PTPRD: variants seen among roughly 807,000 people sequenced by gnomAD.
The protein encoded by PTPRD is receptor-type tyrosine-protein phosphatase delta.
In PTPRD, 34 loss-of-function variants were observed where a neutral mutation model predicts 214.5. That is an observed-to-expected ratio of 0.16 (90% confidence interval 0.12 to 0.21). The LOEUF is 0.21. Among genes scored for constraint, PTPRD ranks in the 10% least tolerant of loss-of-function variants. The pLI, the probability that PTPRD is intolerant of heterozygous loss-of-function variation, is 1.00. For synonymous variants in PTPRD, 1,128 were observed against 845.7 expected, an observed-to-expected ratio of 1.33 and a Z score of -5.79; for missense variants, 2,545 against 2,398.7, an observed-to-expected ratio of 1.06 and a Z score of -1.27.
intron 9 of PTPRD, among the ~76,000 whole-genome samples, chr9:9,374,546 A>G (rs1367488469): frequency 6.6e-6 from 1 of 152,212 alleles, no homozygotes; most frequent in African/African-American, 2.4e-5. Flanking sequence ...GTAATAAAGT[A>G]AGGTAAAGTA....
intron 5 of PTPRD, among the ~76,000 whole-genome samples, chr9:9,909,424 A>G (rs1287799469): frequency 6.6e-6 from 1 of 150,450 alleles, no homozygotes; most frequent in Non-Finnish European, 1.5e-5. Context: ...AAATATTTAC[A>G]TATCTGTATA....
At chr9:8,762,126 G>A (rs2094451025) in intron 11 of PTPRD, among the ~76,000 whole-genome samples, 2 of 152,176 alleles carry the variant, frequency 1.3e-5, no homozygotes, top group South Asian at 2.1e-4. Context: ...ATATACAAAG[G>A]TTCTGTCTTT....
intron 9 of PTPRD, among the ~76,000 whole-genome samples, chr9:9,191,691 T>G (rs1386364595): frequency 1.3e-5 from 2 of 152,098 alleles, no homozygotes; most frequent in African/African-American, 2.4e-5. Flanking sequence ...ACCATTGAAA[T>G]ATGGTGCACT....
intron 3 of PTPRD, among the ~76,000 whole-genome samples, chr9:10,173,189 T>A (rs1159684838): frequency 6.6e-6 from 1 of 152,168 alleles, no homozygotes; most frequent in Non-Finnish European, 1.5e-5. Flanking sequence ...GGGGATTTAT[T>A]TTGAAGTGTT....
intron 9 of PTPRD, among the ~76,000 whole-genome samples, chr9:9,306,446 C>T (rs370510347): frequency 6.6e-6 from 1 of 150,984 alleles, no homozygotes; most frequent in Admixed American, 6.6e-5. Flanking sequence ...CACCTGTAGT[C>T]CCAGCTACTT....
intron 33 of PTPRD, among the ~76,000 whole-genome samples, chr9:8,459,979 G>A (rs1464871918): frequency 2.0e-5 from 3 of 151,954 alleles, no homozygotes; most frequent in Non-Finnish European, 2.9e-5. Context: ...CTCAACACTT[G>A]CGCAAATTAG....
chr9:9,094,024 C>T (rs1043825679), intron 10 of PTPRD, among the ~76,000 whole-genome samples: 7 of 151,910 alleles, frequency 4.6e-5, no homozygotes, highest in African/African-American at 1.7e-4. Flanking sequence ...GAATATTAAG[C>T]TCAACTTTAT....
chr9:9,675,144 A>T (rs1166435075), intron 7 of PTPRD, among the ~76,000 whole-genome samples: 1 of 151,958 alleles, frequency 6.6e-6, no homozygotes, highest in Non-Finnish European at 1.5e-5. Context: ...AAAGTCAATT[A>T]TGAAAGAGAA....
chr9:8,556,737 T>C (rs2141034367), intron 14 of PTPRD, among the ~76,000 whole-genome samples: 1 of 152,238 alleles, frequency 6.6e-6, no homozygotes, highest in East Asian at 1.9e-4. Context: ...AAATTTATCA[T>C]TTTGACAGGT....
At chr9:10,361,080 C>T (rs947966120) in intron 2 of PTPRD, among the ~76,000 whole-genome samples, 10 of 152,020 alleles carry the variant, frequency 6.6e-5, no homozygotes, top group Non-Finnish European at 1.3e-4. Flanking sequence ...CCAGCCTGGG[C>T]GACAGCGAGA....
chr9:10,119,318 C>G (rs1452326311), intron 3 of PTPRD, among the ~76,000 whole-genome samples: 1 of 151,920 alleles, frequency 6.6e-6, no homozygotes, highest in Non-Finnish European at 1.5e-5. Flanking sequence ...AAGACAGATT[C>G]TAAAGTTATT....
chr9:9,402,977 A>C (rs1199443390), intron 8 of PTPRD, among the ~76,000 whole-genome samples: 2 of 145,376 alleles, frequency 1.4e-5, no homozygotes, highest in Admixed American at 6.8e-5. Context: ...AAAAAAAAAA[A>C]AAAAAAAAAA....
At chr9:8,367,622 T>C (rs963696013) in intron 39 of PTPRD, among the ~76,000 whole-genome samples, 2 of 152,212 alleles carry the variant, frequency 1.3e-5, no homozygotes, top group Admixed American at 1.3e-4. Flanking sequence ...CCGTGTTAAA[T>C]ATTCCAGTTG....
intron 11 of PTPRD, among the ~76,000 whole-genome samples, chr9:8,828,981 C>T (rs980344757): frequency 1.3e-5 from 2 of 152,166 alleles, no homozygotes; most frequent in African/African-American, 4.8e-5. Flanking sequence ...CTTGGAAATA[C>T]TCTATCACAC....
Position 10,416,630 on chromosome 9 carries a change from T to C in PTPRD, c.-599-75613A>G, listed in dbSNP as rs192818960. On this transcript the variant is annotated intron_variant, in intron 2 of 45. Coordinates refer to ENST00000381196, the MANE Select transcript of PTPRD (RefSeq NM_002839.4). ...TTTCCAGAAAATACTAGAAAACAAC[T>C]GTTGGTATGGCAAAGGTGAGTTTTT... 5.9e-5 allele frequency among the ~76,000 whole-genome samples: 9 copies of C among 151,830 alleles called. No homozygotes were observed. The East Asian group carries it at 1.8e-3, about 30-fold the overall frequency.
intron 2 of PTPRD, among the ~76,000 whole-genome samples, chr9:10,602,764 C>T (rs142433676): frequency 2.1e-4 from 32 of 151,898 alleles, no homozygotes; most frequent in African/African-American, 7.7e-4. Flanking sequence ...CTACTCATTT[C>T]TTTGCTGATT....
intron 35 of PTPRD, among the ~76,000 whole-genome samples, chr9:8,415,925 A>C (rs1449935303): frequency 1.3e-5 from 2 of 152,208 alleles, no homozygotes; most frequent in East Asian, 1.9e-4. Context: ...GACCATATCA[A>C]GGTATTCTCA....
intron 12 of PTPRD, among the ~76,000 whole-genome samples, chr9:8,733,281 T>A (rs1331021923): frequency 6.6e-6 from 1 of 152,086 alleles, no homozygotes; most frequent in African/African-American, 2.4e-5. Flanking sequence ...GTTTCAATAC[T>A]GTACTCGACG....
intron 8 of PTPRD, among the ~76,000 whole-genome samples, chr9:9,545,603 T>A (rs1205063418): frequency 2.6e-5 from 4 of 151,850 alleles, no homozygotes; most frequent in Non-Finnish European, 4.4e-5. Context: ...GGACCAAAAT[T>A]TTTAACTCTT....
Sources: gnomAD v4.1 joint callset for allele counts (sites outside exome capture counted in the v4.1 genomes callset) on GRCh38, gnomAD v4.1.1 for gene constraint, MANE v1.5 for transcripts, NCBI Gene and HGNC (gene_info 2026-07-23, HGNC 2026-07-21) for gene names.